Variants in IFT88 observed in about 807,000 individuals in gnomAD.
The protein encoded by IFT88 is intraflagellar transport 88, also known as intraflagellar transport protein 88 homolog.
Under a neutral mutation model 119.5 loss-of-function variants are expected in IFT88, and 74 were observed. The ratio of observed to expected loss-of-function variants is 0.62; its 90% CI spans 0.51 to 0.75. The LOEUF (loss-of-function observed/expected upper bound fraction) is 0.75. Ranked by LOEUF, IFT88 falls within the 30% of genes least tolerant of loss-of-function variation. The pLI is 0.00. For synonymous variants in IFT88, 279 were observed against 316.7 expected, an observed-to-expected ratio of 0.88 and a Z score of 1.26; for missense variants, 961 against 977.7, an observed-to-expected ratio of 0.98 and a Z score of 0.23.
chr13:20,625,756 G>A lies in IFT88; in HGVS notation c.1206G>A (p.Val402=), dbSNP rs762321252. 4 of 1,597,810 alleles carry A rather than the reference G, an allele frequency of 2.5e-6. No homozygotes were observed. The highest frequency in any genetic ancestry group is 2.6e-6 in the Non-Finnish European group (3 of 1,172,690). The change falls in exon 15 of 26, where the codon GTG becomes GTA. Residue 402 remains valine, a synonymous_variant. Transcript: ENST00000351808. ...TSFAAGYDWC[V]EVVKASQYVE... is the part of the protein sequence containing the mutation. ...TTTATGCTTTCCCTTATAGGTGCGTGGAAGTGGTGAAAGCTTCTCAATATG... is the reference window on the plus strand; with the variant it reads ...TTTATGCTTTCCCTTATAGGTGCGTAGAAGTGGTGAAAGCTTCTCAATATG...
intron 14 of IFT88, among the ~76,000 whole-genome samples, chr13:20,617,055 TGCCTCA>T (rs1381813370): frequency 6.6e-6 from 1 of 152,154 alleles, no homozygotes; most frequent in East Asian, 1.9e-4. Flanking sequence ...GCCATTCTCC[TGCCTCA>T]GCCTCCCAAG....
intron 10 of IFT88, among the ~76,000 whole-genome samples, 195 bp downstream of exon 10, chr13:20,598,948 G>A (rs112086859): frequency 6.6e-6 from 1 of 151,926 alleles, no homozygotes; most frequent in Non-Finnish European, 1.5e-5. Flanking sequence ...TTAGTATGAG[G>A]TATATTGCCT....
intron 2 of IFT88, among the ~76,000 whole-genome samples, chr13:20,581,329 G>A (rs987303173): frequency 5.3e-5 from 8 of 152,152 alleles, no homozygotes; most frequent in Non-Finnish European, 1.0e-4. Flanking sequence ...TGTAATTGGA[G>A]AATTTGTTGA....
At chr13:20,582,131 C>T (rs936054171) in intron 2 of IFT88, among the ~76,000 whole-genome samples, 3 of 151,764 alleles carry the variant, frequency 2.0e-5, no homozygotes, top group East Asian at 1.9e-4. Flanking sequence ...GGGTTAAAGC[C>T]GGAGTGTGTG....
At chr13:20,583,106 T>C in intron 3 of IFT88, 87 bp downstream of exon 3, 1 of 713,250 alleles carries the variant, frequency 1.4e-6, no homozygotes, top group Non-Finnish European at 2.3e-6. Flanking sequence ...TGTATATTCC[T>C]GTAGTGTTAA....
chr13:20,643,660 AAAG>A lies in IFT88; in HGVS notation c.1833+59_1833+61del, dbSNP rs1245552242. On this transcript the variant is annotated intron_variant, in intron 19 of 25. Coordinates refer to ENST00000351808, the MANE Select transcript of IFT88 (RefSeq NM_006531.5). ...GTTTTAGCATTTTATGAATTGTTAT[AAAG>A]AAGGCAGCAAGGCTTTAAAATTTTA... is the stretch of plus-strand genomic sequence containing the variant. 4.7e-6 allele frequency: 6 copies of A among 1,274,478 alleles called. No homozygotes were observed. The African/African-American group carries it at 9.0e-5, about 19-fold the overall frequency. 78.9% of individuals were successfully genotyped at this position (1,274,478 alleles called of 1,614,324 possible). A position where few individuals can be genotyped will look rare whatever the true frequency, so the allele number is the denominator to read the frequency against.
intron 14 of IFT88, among the ~76,000 whole-genome samples, chr13:20,616,916 G>C (rs1356144937): frequency 1.3e-5 from 2 of 151,922 alleles, no homozygotes; most frequent in Non-Finnish European, 2.9e-5. Context: ...GGTTGGTCCT[G>C]GACCAAAACT....
rs112157758 is a variant in IFT88 at position 20,656,448 on chromosome 13, A to T, written c.2068+18A>T. On this transcript the variant is annotated intron_variant, in intron 22 of 25. Coordinates refer to ENST00000351808, the MANE Select transcript of IFT88 (RefSeq NM_006531.5). The stretch of plus-strand genomic sequence containing the variant: ...TGTCGAATGTAAGTGGCATTACATA[A>T]TGTAACTTTGAAGTGATAAGTTCTC... 2.3e-6 allele frequency: 3 copies of T among 1,309,880 alleles called. No individual in the cohort carries two copies. Among genetic ancestry groups the T allele is most frequent in the Non-Finnish European group, 3.2e-6 (3 of 936,540 alleles). The allele number at this position is 1,309,880 out of a possible 1,614,324, so 81.1% of individuals were successfully genotyped here. A position where few individuals can be genotyped will look rare whatever the true frequency, so the allele number is the denominator to read the frequency against.
At chr13:20,609,615 A>G (rs1257106743) in intron 13 of IFT88, among the ~76,000 whole-genome samples, 1 of 152,076 alleles carries the variant, frequency 6.6e-6, no homozygotes, top group East Asian at 1.9e-4. Flanking sequence ...ATGGTGGCAC[A>G]TGCCTGTAGT....
intron 24 of IFT88, among the ~76,000 whole-genome samples, chr13:20,682,786 A>G (rs979583094): frequency 6.6e-6 from 1 of 152,228 alleles, no homozygotes; most frequent in Non-Finnish European, 1.5e-5. Context: ...TGCTTGTCCT[A>G]TATAAGTGAC....
chr13:20,657,284 C>A (rs2052990416), intron 22 of IFT88, among the ~76,000 whole-genome samples: 1 of 152,154 alleles, frequency 6.6e-6, no homozygotes, highest in East Asian at 1.9e-4. Context: ...ATTGATGCAA[C>A]TTACAGTAAT....
At chr13:20,581,258 A>G (rs1566066504) in intron 2 of IFT88, among the ~76,000 whole-genome samples, 2 of 152,240 alleles carry the variant, frequency 1.3e-5, no homozygotes, top group African/African-American at 4.8e-5. Flanking sequence ...AGATATTCAT[A>G]GAAGATGCAA....
chr13:20,596,126 T>C, intron 7 of IFT88, 24 bp from the exon 8 acceptor site: 1 of 874,348 alleles, frequency 1.1e-6, no homozygotes, highest in Non-Finnish European at 1.7e-6. Flanking sequence ...TGATTTAAAT[T>C]GTACCTGCTT....
In IFT88 at chr13:20,590,968, C is replaced by T; in HGVS notation, c.212C>T (p.Ser71Phe). The part of the protein sequence containing the change: ...VTRPIATGYG[S>F]KTSLASSIGR... ...TAACTTAACTTTTCTGTTTACTAGT[C>T]CAAGACATCTCTGGCATCATCAATA... Residue 71 changes from serine (S) to phenylalanine (F), a missense_variant and splice_region_variant, in exon 5 of 26, where the codon TCC (serine) becomes TTC (phenylalanine). Coordinates refer to ENST00000351808, the MANE Select transcript of IFT88 (RefSeq NM_006531.5). 2 of 1,606,054 alleles carry T rather than the reference C, an allele frequency of 1.2e-6. No homozygotes were observed. The highest frequency in any genetic ancestry group is 1.7e-6 in the Non-Finnish European group (2 of 1,174,504).
At position 20,631,062 on chromosome 13, in the gene IFT88, A is replaced by G; in HGVS notation, c.1346A>G (p.Lys449Arg). Reference protein sequence around the residue: ...KVLEKKDSRVKSAAATNLSAL... With the variant: ...KVLEKKDSRVRSAAATNLSAL... ...TTGGAAAAAAAGGACAGTAGAGTGA[A>G]AAGTGCAGCTGCAACCAATCTCTCA... is the stretch of plus-strand genomic sequence containing the variant. Residue 449 changes from lysine (K) to arginine (R), a missense_variant, in exon 16 of 26, where the codon AAA (lysine) becomes AGA (arginine). Physicochemically the swap from Lys to Arg is conservative, Grantham distance 26. Coordinates refer to ENST00000351808, the MANE Select transcript of IFT88 (RefSeq NM_006531.5). The G allele has an allele frequency of 6.2e-7, 1 of 1,607,368 alleles. No individual in the cohort carries two copies. Among genetic ancestry groups the G allele is most frequent in the Non-Finnish European group, 8.5e-7 (1 of 1,173,846 alleles).
At chr13:20,591,089 T>C (rs2040586642) in intron 5 of IFT88, 69 bp downstream of exon 5, 1 of 1,021,078 alleles carries the variant, frequency 9.8e-7, no homozygotes, top group Non-Finnish European at 1.5e-6. Context: ...CAAAGTTTTT[T>C]TACTTTATTA....
chr13:20,567,790 T>C (rs571482039), intron 1 of IFT88: 1 of 1,345,672 alleles, frequency 7.4e-7, no homozygotes, highest in South Asian at 2.0e-5. Context: ...CGTGAAGTAC[T>C]GTTGTCCCAA....
At chr13:20,603,529 A>G (rs1025470908) in intron 12 of IFT88, among the ~76,000 whole-genome samples, 1 of 152,188 alleles carries the variant, frequency 6.6e-6, no homozygotes, top group Admixed American at 6.5e-5. Flanking sequence ...TAACTATTAT[A>G]ACCTATCTTA....
At chr13:20,683,566 GT>G (rs965540040) in intron 24 of IFT88, among the ~76,000 whole-genome samples, 1 of 152,138 alleles carries the variant, frequency 6.6e-6, no homozygotes, top group Non-Finnish European at 1.5e-5. Context: ...TACTTCAGGG[GT>G]TTTACCAACT....
Sources: gnomAD v4.1 joint callset for allele counts (sites outside exome capture counted in the v4.1 genomes callset) on GRCh38, gnomAD v4.1.1 for gene constraint, MANE v1.5 for transcripts, NCBI Gene and HGNC (gene_info 2026-07-23, HGNC 2026-07-21) for gene names.